The following GABRB1 variants were observed in gnomAD, a reference collection of about 807,000 sequenced individuals.
GABRB1 encodes gamma-aminobutyric acid receptor subunit beta-1.
Under a neutral mutation model 51.6 loss-of-function variants are expected in GABRB1, and 17 were observed. The observed-to-expected ratio is 0.33, with a 90% CI of 0.23 to 0.49. GABRB1 has a LOEUF of 0.49. Ranked by LOEUF, GABRB1 falls within the 20% of genes least tolerant of loss-of-function variation. The pLI is 0.99. For synonymous variants in GABRB1, 247 were observed against 218.9 expected (o/e 1.13, Z -1.14); for missense variants, 410 against 600.6 (o/e 0.68, Z 3.32).
chr4:47,099,421 C>T (rs760059526), intron 3 of GABRB1, among the ~76,000 whole-genome samples: 2 of 152,030 alleles, frequency 1.3e-5, no homozygotes, highest in Non-Finnish European at 2.9e-5. Context: ...CTTATGAATG[C>T]CCCAAAGGCA....
intron 5 of GABRB1, among the ~76,000 whole-genome samples, chr4:47,366,212 G>C (rs947704260): frequency 5.3e-5 from 8 of 152,126 alleles, no homozygotes; most frequent in Non-Finnish European, 8.8e-5. Flanking sequence ...AAATTTATCT[G>C]TATATTGAAC....
chr4:47,357,002 T>C (rs1251940007), intron 5 of GABRB1, among the ~76,000 whole-genome samples: 4 of 152,318 alleles, frequency 2.6e-5, no homozygotes, highest in Admixed American at 2.0e-4. Flanking sequence ...TGAGACCTAA[T>C]GTAAGAAATG....
In GABRB1 at chr4:47,341,200, A is replaced by G. The variant is rs16860123; in HGVS notation, c.544+20991A>G. Among the ~76,000 whole-genome samples, 1,127 of 152,288 alleles carry G rather than the reference A, an allele frequency of 7.4e-3. 15 individuals are homozygous for G. Among genetic ancestry groups the G allele is most frequent in the African/African-American group, 0.026 (1,065 of 41,560 alleles). ...TCATTCACGGACTTGGGGAGCATCAAGAGTTTAAGATTACTTCAGCCATTT... is the reference window on the plus strand; with the variant it reads ...TCATTCACGGACTTGGGGAGCATCAGGAGTTTAAGATTACTTCAGCCATTT... On this transcript the variant is annotated intron_variant, in intron 5 of 8. Coordinates refer to ENST00000295454, the MANE Select transcript of GABRB1 (RefSeq NM_000812.4).
chr4:47,403,767 C>T, intron 7 of GABRB1, 56 bp downstream of exon 7: 1 of 1,560,766 alleles, frequency 6.4e-7, no homozygotes, highest in Non-Finnish European at 8.7e-7. Context: ...AAACAAATAA[C>T]CAATATCAGG....
intron 4 of GABRB1, among the ~76,000 whole-genome samples, chr4:47,193,230 C>T (rs1719517148): frequency 6.6e-6 from 1 of 152,164 alleles, no homozygotes; most frequent in African/African-American, 2.4e-5. Context: ...TCAAGAAATT[C>T]TCCTGCCTCA....
chr4:47,008,310 T>C (rs1482091441), intron 1 of GABRB1, among the ~76,000 whole-genome samples: 2 of 152,060 alleles, frequency 1.3e-5, no homozygotes, highest in Non-Finnish European at 2.9e-5. Context: ...AAAATATACA[T>C]TTGAAATGAT....
chr4:47,052,562 T>C (rs1172169130), intron 3 of GABRB1, among the ~76,000 whole-genome samples: 1 of 152,234 alleles, frequency 6.6e-6, no homozygotes, highest in Non-Finnish European at 1.5e-5. Flanking sequence ...AGCCACAGTG[T>C]GCCTTAAGAC....
At chr4:47,415,711 C>T (rs116542518) in intron 8 of GABRB1, among the ~76,000 whole-genome samples, 1,658 of 152,296 alleles carry the variant, frequency 0.011, 38 homozygotes, top group African/African-American at 0.038. Flanking sequence ...AGGCATCCAC[C>T]ACAACCTACT....
chr4:47,308,940 G>A (rs1364240579), intron 4 of GABRB1, among the ~76,000 whole-genome samples: 1 of 152,062 alleles, frequency 6.6e-6, no homozygotes, highest in African/African-American at 2.4e-5. Context: ...TTCAAGTCCT[G>A]GCAATTTGTC....
intron 3 of GABRB1, among the ~76,000 whole-genome samples, chr4:47,041,797 C>T (rs1725856897): frequency 6.6e-6 from 1 of 152,042 alleles, no homozygotes; most frequent in Non-Finnish European, 1.5e-5. Flanking sequence ...CATTTGGAAT[C>T]CCACCTGTGT....
rs141678453 is a variant in GABRB1, at chr4:47,047,172, C to T, written c.240+14688C>T. Among the ~76,000 whole-genome samples the T allele has an allele frequency of 2.7e-3, 404 of 152,114 alleles. 3 individuals are homozygous for T. The highest frequency in any genetic ancestry group is 8.7e-3 in the African/African-American group (361 of 41,508). Reference sequence around the variant, plus strand: ...AAAAGTTAAAAAAAATTAAACAAAACAGTCTTCCAAAAATAATAAATAAAT... The same window carrying T: ...AAAAGTTAAAAAAAATTAAACAAAATAGTCTTCCAAAAATAATAAATAAAT... On this transcript the variant is annotated intron_variant, in intron 3 of 8. Coordinates refer to ENST00000295454, the MANE Select transcript of GABRB1 (RefSeq NM_000812.4).
intron 4 of GABRB1, among the ~76,000 whole-genome samples, chr4:47,198,271 G>T (rs1373913678): frequency 2.0e-5 from 3 of 152,214 alleles, no homozygotes; most frequent in African/African-American, 7.2e-5. Context: ...TCTGGAGACA[G>T]AAGGTAGTAT....
chr4:47,210,349 C>T (rs1720306153), intron 4 of GABRB1, among the ~76,000 whole-genome samples: 1 of 152,076 alleles, frequency 6.6e-6, no homozygotes, highest in Non-Finnish European at 1.5e-5. Context: ...TATGAATGAA[C>T]TGTAGCTGAA....
chr4:47,288,766 A>C (rs1057385179), intron 4 of GABRB1, among the ~76,000 whole-genome samples: 16 of 152,168 alleles, frequency 1.1e-4, no homozygotes, highest in Non-Finnish European at 2.4e-4. Context: ...TAATTACTAA[A>C]ATTATCACAA....
intron 3 of GABRB1, among the ~76,000 whole-genome samples, chr4:47,108,434 C>T (rs951457322): frequency 6.6e-6 from 1 of 151,982 alleles, no homozygotes; most frequent in Non-Finnish European, 1.5e-5. Context: ...TTTTAAGAGT[C>T]ACCTTGATGT....
chr4:47,365,110 C>T (rs184074180), intron 5 of GABRB1, among the ~76,000 whole-genome samples: 1 of 152,316 alleles, frequency 6.6e-6, no homozygotes, highest in Admixed American at 6.5e-5. Context: ...GAAAACCTAT[C>T]CTCAGTTCCT....
intron 5 of GABRB1, among the ~76,000 whole-genome samples, chr4:47,328,020 G>C (rs1040140751): frequency 6.6e-6 from 1 of 152,148 alleles, no homozygotes; most frequent in Non-Finnish European, 1.5e-5. Flanking sequence ...GTGTGAGATG[G>C]TGTCTCATTG....
At chr4:47,125,911 C>T (rs936824535) in intron 3 of GABRB1, among the ~76,000 whole-genome samples, 1 of 149,596 alleles carries the variant, frequency 6.7e-6, no homozygotes, top group African/African-American at 2.4e-5. Context: ...ATCTTGAGTG[C>T]TCATCAACTG....
At chr4:47,156,735 G>A (rs1291504860) in intron 3 of GABRB1, among the ~76,000 whole-genome samples, 1 of 151,994 alleles carries the variant, frequency 6.6e-6, no homozygotes, top group Admixed American at 6.6e-5. Flanking sequence ...TTGGGGGACC[G>A]AGGGGGGGCA....
Sources: gnomAD v4.1 joint callset for allele counts (sites outside exome capture counted in the v4.1 genomes callset) on GRCh38, gnomAD v4.1.1 for gene constraint, MANE v1.5 for transcripts, NCBI Gene and HGNC (gene_info 2026-07-23, HGNC 2026-07-21) for gene names.